Variants in SLC6A12 observed in about 807,000 individuals in gnomAD.
SLC6A12 encodes solute carrier family 6 member 12, also known as sodium- and chloride-dependent betaine transporter.
A neutral mutation model predicts 73.3 loss-of-function variants in SLC6A12; 50 were observed. The ratio of observed to expected loss-of-function variants is 0.68; its 90% CI spans 0.54 to 0.86. The LOEUF (loss-of-function observed/expected upper bound fraction) is 0.86, where lower values mean the gene tolerates loss of function less well. SLC6A12 is among the 40% of genes least tolerant of loss of function. The pLI, the probability that SLC6A12 is intolerant of heterozygous loss-of-function variation, is 0.00. For synonymous variants in SLC6A12, 304 were observed against 309.2 expected (o/e 0.98, Z 0.18); for missense variants, 648 against 772.8 (o/e 0.84, Z 1.92).
the SLC6A12 span, among the ~76,000 whole-genome samples, chr12:184,591 A>C: frequency 1.3e-5 from 2 of 152,134 alleles, no homozygotes; most frequent in African/African-American, 4.8e-5. Flanking sequence ...TCTACTAAAA[A>C]TACAAAAAAT....
chr12:203,002 G>T, intron 4 of SLC6A12, 122 bp from the exon 5 acceptor site: 3 of 641,362 alleles, frequency 4.7e-6, no homozygotes, highest in South Asian at 3.1e-5. Flanking sequence ...CACCATTGGG[G>T]TTTATCCAGT....
rs1361970571 is a variant in SLC6A12, at chr12:201,802, G to C, written c.538C>G (p.Pro180Ala). The C allele has an allele frequency of 1.2e-6, 2 of 1,614,138 alleles. No homozygotes were observed. The highest frequency in any genetic ancestry group is 3.3e-5 in the Admixed American group (2 of 60,010). Residue 180 changes from proline (P) to alanine (A), a missense_variant, in exon 6 of 16, where the codon CCA (proline) becomes GCA (alanine). Physicochemically the swap from Pro to Ala is conservative, Grantham distance 27. Coordinates refer to ENST00000684302, the MANE Select transcript of SLC6A12 (RefSeq NM_001122848.3). The part of the protein sequence containing the change: ...LNHSGAGTVT[P>A]FENFTSPVME... ...ACAGGTGAGGTAAAATTCTCAAATG[G>C]GGTCACTGTGCCGGCTCCTGAGTGG...
chr12:210,398 A>G (rs1591808329), intron 2 of SLC6A12: 1 of 1,091,530 alleles, frequency 9.2e-7, no homozygotes, highest in South Asian at 2.6e-5. Flanking sequence ...CTGCTGAGTG[A>G]CCTCAGCCTA....
chr12:203,832 A>T (rs1591798494), intron 4 of SLC6A12: 1 of 152,554 alleles, frequency 6.6e-6, no homozygotes, highest in East Asian at 1.9e-4. Flanking sequence ...GCCTCGAGCC[A>T]GTACGGCAGC....
rs767754510 is a variant in SLC6A12 at position 195,320 on chromosome 12, A to G, written c.1334T>C (p.Met445Thr). Reference protein sequence around the residue: ...IGLFLVTEGGMYIFQLFDYYA... With the variant: ...IGLFLVTEGGTYIFQLFDYYA... ...GTAGTCAAACAGCTGGAAGATGTAC[A>G]TCCCGCCCTGTGGGGAGAGCGTGGA... The change falls in exon 13 of 16, where the codon ATG (methionine) becomes ACG (threonine). Residue 445 changes from methionine to threonine, a missense_variant. By Grantham distance (81) the Met-to-Thr change is moderately conservative (BLOSUM62 -1). Transcript: ENST00000684302. 1 of 1,607,174 alleles carries G rather than the reference A, an allele frequency of 6.2e-7. No individual in the cohort carries two copies. The highest frequency in any genetic ancestry group is 8.5e-7 in the Non-Finnish European group (1 of 1,173,562).
At chr12:186,046 G>A (rs1021283434), downstream of SLC6A12, among the ~76,000 whole-genome samples, 2 of 152,210 alleles carry the variant, frequency 1.3e-5, no homozygotes, top group Non-Finnish European at 2.9e-5. Context: ...CTCACAGCAA[G>A]GACAGGGTGA....
At chr12:188,221 G>A, downstream of SLC6A12, among the ~76,000 whole-genome samples, 1 of 152,202 alleles carries the variant, frequency 6.6e-6, no homozygotes, top group East Asian at 1.9e-4. Context: ...GAGGGGGAGG[G>A]AGGCTCAGGC....
At chr12:201,605 C>T (rs1337748798) in intron 6 of SLC6A12, 157 bp downstream of exon 6, 1 of 644,322 alleles carries the variant, frequency 1.6e-6, no homozygotes, top group Non-Finnish European at 2.8e-6. Flanking sequence ...AGAGCGTTCT[C>T]CCCTGCCTCA....
rs749701544 is a variant in SLC6A12, at chr12:205,225, A to G, written c.215-527T>C. 5.7e-4 allele frequency: 88 copies of G among 154,232 alleles called. 1 individual carries two copies. Among genetic ancestry groups the G allele is most frequent in the Non-Finnish European group, 1.1e-3 (73 of 69,394 alleles). The allele number at this position is 154,232 out of a possible 1,614,324, so 9.6% of individuals were successfully genotyped here. On this transcript the variant is annotated intron_variant, in intron 3 of 15. Transcript: ENST00000684302. ...GATTAGGTGCCAACCTGCAGGTGCC[A>G]GAGGGAGGCCAGGCCTAACAGACAT...
rs773163730 is a variant in SLC6A12 at position 201,878 on chromosome 12, G to A, written c.491-29C>T. 40 of 1,583,172 alleles carry A rather than the reference G, an allele frequency of 2.5e-5. 1 individual carries two copies. In the South Asian group the frequency reaches 4.3e-4, roughly 17 times the overall value. The stretch of plus-strand genomic sequence containing the variant: ...TTGGGGACAAGGTTAGGGACAAGAT[G>A]GAGAGAGATGCTCTTATACCCTAGT... On this transcript the variant is annotated intron_variant, in intron 5 of 15. Transcript: ENST00000684302.
chr12:209,422 G>A (rs777700384), intron 3 of SLC6A12, among the ~76,000 whole-genome samples: 14 of 151,984 alleles, frequency 9.2e-5, no homozygotes, highest in South Asian at 6.2e-4. Context: ...TGCACCTAGC[G>A]CCGGGTCTGG....
chr12:187,667 G>A (rs560318051), downstream of SLC6A12, among the ~76,000 whole-genome samples: 38 of 130,564 alleles, frequency 2.9e-4, 1 homozygote, highest in Non-Finnish European at 4.6e-4. Flanking sequence ...CACACAACGC[G>A]ACCCCAGCGG....
rs778658065 is a variant in SLC6A12 at position 209,951 on chromosome 12, A to C, written c.36T>G (p.Pro12=). ...DGKVAVQECG[P]PAVSWVPEEG... is the part of the protein sequence containing the mutation. ...CCTCGGGGACCCAGGAGACTGCAGG[A>C]GGCCCACACTCTTGCACTGCCACCT... is the stretch of plus-strand genomic sequence containing the variant. The change falls in exon 3 of 16, where the codon CCT becomes CCG. Residue 12 remains proline (P), a synonymous_variant. Coordinates refer to ENST00000684302, the MANE Select transcript of SLC6A12 (RefSeq NM_001122848.3). 2 of 1,614,118 alleles carry C rather than the reference A, an allele frequency of 1.2e-6. No individual in the cohort carries two copies. The highest frequency in any genetic ancestry group is 3.3e-5 in the Admixed American group (2 of 60,022).
downstream of SLC6A12, among the ~76,000 whole-genome samples, chr12:186,822 G>A (rs1009412732): frequency 6.6e-6 from 1 of 152,198 alleles, no homozygotes; most frequent in Non-Finnish European, 1.5e-5. Flanking sequence ...CTTGACCCAG[G>A]ATTCATGGAT....
chr12:205,584 T>G (rs1171242248), intron 3 of SLC6A12, among the ~76,000 whole-genome samples: 1 of 152,158 alleles, frequency 6.6e-6, no homozygotes, highest in Admixed American at 6.5e-5. Flanking sequence ...GCCCAGGCAG[T>G]CTAGTCCTGA....
rs368528768 is a variant in SLC6A12, at chr12:199,510, G to A, written c.712-579C>T. Among the ~76,000 whole-genome samples, 38 of 151,682 alleles carry A rather than the reference G, an allele frequency of 2.5e-4. No individual in the cohort carries two copies. The East Asian group carries it at 5.6e-3, about 22-fold the overall frequency. Reference sequence around the variant, plus strand: ...GGGGAGCAGCGGCGGCCGGAGCTCCGGGCTGTTCTTCTCTGCCACTAAGCA... The same window carrying A: ...GGGGAGCAGCGGCGGCCGGAGCTCCAGGCTGTTCTTCTCTGCCACTAAGCA... On this transcript the variant is annotated intron_variant, in intron 7 of 15. Transcript: ENST00000684302.
intron 14 of SLC6A12, among the ~76,000 whole-genome samples, 172 bp from the exon 15 acceptor site, chr12:192,820 C>T (rs923706413): frequency 6.6e-6 from 1 of 150,418 alleles, no homozygotes; most frequent in Non-Finnish European, 1.5e-5. Context: ...ACATCACAGA[C>T]GGAGACAGGA....
At chr12:186,139 C>T (rs1052594186), downstream of SLC6A12, among the ~76,000 whole-genome samples, 27 of 151,976 alleles carry the variant, frequency 1.8e-4, no homozygotes, top group Non-Finnish European at 2.1e-4. Flanking sequence ...CAGAAGGGCA[C>T]GAGGGGGCTG....
chr12:197,871 C>G, intron 9 of SLC6A12, 29 bp downstream of exon 9: 3 of 1,295,508 alleles, frequency 2.3e-6, no homozygotes, highest in Non-Finnish European at 2.2e-6. Flanking sequence ...AACCCTCCTT[C>G]ACCCCACCCC....
Sources: allele counts gnomAD v4.1 joint callset (sites outside exome capture counted in the v4.1 genomes callset), GRCh38; gene constraint gnomAD v4.1.1; transcripts MANE v1.5; gene names NCBI Gene and HGNC (gene_info 2026-07-23, HGNC 2026-07-21).